Variants in DCDC2 observed in about 807,000 individuals in gnomAD.
DCDC2 encodes the protein doublecortin domain containing 2, also known as doublecortin domain-containing protein 2.
In DCDC2, 40 loss-of-function variants were observed where a neutral mutation model predicts 50.2. The observed-to-expected ratio is 0.80, with a 90% CI of 0.62 to 1.04. The LOEUF (loss-of-function observed/expected upper bound fraction) is 1.04. Among genes scored for constraint, DCDC2 ranks in the 50% least tolerant of loss-of-function variants. The pLI, the probability that DCDC2 is intolerant of heterozygous loss-of-function variation, is 0.00. For missense variants in DCDC2, 570 were observed against 581.9 expected, an observed-to-expected ratio of 0.98 and a Z score of 0.21; for synonymous variants, 234 against 210.6, an observed-to-expected ratio of 1.11 and a Z score of -0.96.
intron 7 of DCDC2, among the ~76,000 whole-genome samples, chr6:24,271,966 A>T (rs559416711): frequency 5.6e-4 from 85 of 152,320 alleles, no homozygotes; most frequent in African/African-American, 2.0e-3. Flanking sequence ...ATGAAAAAAT[A>T]ACCCCCAAAA....
At chr6:24,264,404 T>C (rs1377748511) in intron 7 of DCDC2, among the ~76,000 whole-genome samples, 4 of 135,312 alleles carry the variant, frequency 3.0e-5, no homozygotes, top group African/African-American at 5.6e-5. Context: ...GTGAACCTAT[T>C]AAAAATAACT....
the DCDC2 span, among the ~76,000 whole-genome samples, chr6:24,369,898 C>T: frequency 3.3e-3 from 504 of 151,794 alleles, 1 homozygote; most frequent in African/African-American, 0.011. Context: ...AAAAAATAGC[C>T]GGGCATGGTG....
chr6:24,301,502 G>C (rs1455522813), intron 4 of DCDC2, among the ~76,000 whole-genome samples: 4 of 151,182 alleles, frequency 2.6e-5, no homozygotes, highest in Admixed American at 6.6e-5. Context: ...GTGCTACTAT[G>C]TGCCAATGAC....
At chr6:24,376,126 G>C in the DCDC2 span, among the ~76,000 whole-genome samples, 1 of 152,194 alleles carries the variant, frequency 6.6e-6, no homozygotes, top group Non-Finnish European at 1.5e-5. Flanking sequence ...CATGGGAGAC[G>C]AGCTTAAATG....
At chr6:24,353,489 C>T (rs1183771347) in intron 2 of DCDC2, 80 bp downstream of exon 2, 11 of 835,320 alleles carry the variant, frequency 1.3e-5, no homozygotes, top group South Asian at 4.6e-5. Context: ...AGTAGAATGC[C>T]GTCCAAATCT....
chr6:24,191,146 T>C (rs146772601), intron 8 of DCDC2, among the ~76,000 whole-genome samples: 3 of 152,334 alleles, frequency 2.0e-5, no homozygotes, highest in Admixed American at 6.5e-5. Flanking sequence ...ATGCATTTCA[T>C]TGAAGTCGAT....
intron 7 of DCDC2, among the ~76,000 whole-genome samples, chr6:24,245,044 A>C (rs145157522): frequency 6.6e-6 from 1 of 152,016 alleles, no homozygotes; most frequent in Admixed American, 6.6e-5. Flanking sequence ...AAAATACAAA[A>C]ATTAGCTGGG....
intron 7 of DCDC2, among the ~76,000 whole-genome samples, chr6:24,255,886 G>A (rs1031323777): frequency 6.6e-6 from 1 of 152,058 alleles, no homozygotes; most frequent in Non-Finnish European, 1.5e-5. Flanking sequence ...TGCAAATCAT[G>A]TGGCCCAGCA....
intron 7 of DCDC2, among the ~76,000 whole-genome samples, chr6:24,251,323 T>C (rs957579794): frequency 6.6e-6 from 1 of 152,172 alleles, no homozygotes; most frequent in Admixed American, 6.5e-5. Flanking sequence ...TCACTTGCGG[T>C]TTGAGAGCTT....
chr6:24,300,050 C>T (rs779058726), intron 4 of DCDC2, among the ~76,000 whole-genome samples: 30 of 151,972 alleles, frequency 2.0e-4, no homozygotes, highest in Non-Finnish European at 4.0e-4. Flanking sequence ...TGTTTGTATA[C>T]ATGTATTTAT....
At chr6:24,231,888 A>G (rs1351273382) in intron 7 of DCDC2, among the ~76,000 whole-genome samples, 1 of 152,124 alleles carries the variant, frequency 6.6e-6, no homozygotes, top group Non-Finnish European at 1.5e-5. Flanking sequence ...TTCCCAGGAT[A>G]CAACAGTAGC....
chr6:24,276,511 C>G (rs1050363384), intron 7 of DCDC2, among the ~76,000 whole-genome samples: 1 of 151,894 alleles, frequency 6.6e-6, no homozygotes, highest in Non-Finnish European at 1.5e-5. Context: ...ATCATTCATT[C>G]ACTCAACATA....
In DCDC2 at chr6:24,172,352, AT is replaced by A. The variant is rs1191282041; in HGVS notation, c.*2377del. 6.6e-5 allele frequency: 10 copies of A among 152,142 alleles called. No homozygotes were observed. The highest frequency in any genetic ancestry group is 2.4e-4 in the African/African-American group (10 of 41,422). 9.4% of individuals were successfully genotyped at this position (152,142 alleles called of 1,614,324 possible). A position where few individuals can be genotyped will look rare whatever the true frequency, so the allele number is the denominator to read the frequency against. The stretch of plus-strand genomic sequence containing the variant: ...ACACACAAGGGATGAATATGTCCCC[AT>A]TTTTAAGTTTTTTTGGTACAGTTAT... On this transcript the variant is annotated 3_prime_UTR_variant, in exon 10 of 10. Transcript: ENST00000378454.
chr6:24,214,550 G>A (rs1372065517), intron 7 of DCDC2, among the ~76,000 whole-genome samples: 1 of 152,092 alleles, frequency 6.6e-6, no homozygotes, highest in Non-Finnish European at 1.5e-5. Context: ...TCTGATAAGT[G>A]GGACTGAAAA....
At chr6:24,358,663 C>G (rs1760529846), upstream of DCDC2, among the ~76,000 whole-genome samples, 1 of 136,800 alleles carries the variant, frequency 7.3e-6, no homozygotes, top group African/African-American at 2.8e-5. Context: ...GCCTGGGCGA[C>G]ACAGCAAGAC....
At chr6:24,217,887 A>G (rs911546068) in intron 7 of DCDC2, among the ~76,000 whole-genome samples, 2 of 152,222 alleles carry the variant, frequency 1.3e-5, no homozygotes, top group African/African-American at 2.4e-5. Context: ...TCAGTTTAGC[A>G]TATCTGTTCT....
At chr6:24,276,478 G>A (rs1196389322) in intron 7 of DCDC2, among the ~76,000 whole-genome samples, 1 of 151,474 alleles carries the variant, frequency 6.6e-6, no homozygotes, top group Non-Finnish European at 1.5e-5. Flanking sequence ...AAGTATTACA[G>A]AATTAACTAT....
chr6:24,205,232 T>C (rs1218592795), intron 7 of DCDC2, 130 bp from the exon 8 acceptor site: 2 of 1,599,632 alleles, frequency 1.3e-6, no homozygotes, highest in East Asian at 2.3e-5. Context: ...AGTATTTTTG[T>C]GCACCCCCTC....
chr6:24,278,683 CT>C, intron 6 of DCDC2, among the ~76,000 whole-genome samples: 1 of 152,324 alleles, frequency 6.6e-6, no homozygotes, highest in South Asian at 2.1e-4. Context: ...ACTCCTGCAC[CT>C]TTCTGCAGAA....
Sources: allele counts gnomAD v4.1 joint callset (sites outside exome capture counted in the v4.1 genomes callset), GRCh38; gene constraint gnomAD v4.1.1; transcripts MANE v1.5; gene names NCBI Gene and HGNC (gene_info 2026-07-23, HGNC 2026-07-21).